SLC24A2: variants seen among roughly 807,000 people sequenced by gnomAD.
The protein encoded by SLC24A2 is solute carrier family 24 member 2.
Under a neutral mutation model 62.0 loss-of-function variants are expected in SLC24A2, and 36 were observed. The ratio of observed to expected loss-of-function variants is 0.58; its 90% CI spans 0.44 to 0.77. The LOEUF (loss-of-function observed/expected upper bound fraction) is 0.77. Ranked by LOEUF, SLC24A2 falls within the 30% of genes least tolerant of loss-of-function variation. SLC24A2 has a pLI of 0.00. For synonymous variants in SLC24A2, 358 were observed against 294.0 expected (o/e 1.22, Z -2.23); for missense variants, 846 against 817.9 (o/e 1.03, Z -0.42).
the SLC24A2 span, among the ~76,000 whole-genome samples, chr9:20,079,146 C>G: frequency 6.7e-6 from 1 of 148,262 alleles, no homozygotes; most frequent in Non-Finnish European, 1.5e-5. Flanking sequence ...AACACAGACA[C>G]AGCAGCAGAG....
chr9:19,715,587 C>T (rs1375916302), intron 2 of SLC24A2, among the ~76,000 whole-genome samples: 1 of 152,202 alleles, frequency 6.6e-6, no homozygotes, highest in Non-Finnish European at 1.5e-5. Context: ...TACAAGACCA[C>T]TCCCTGTAGG....
chr9:20,300,115 CT>C, the SLC24A2 span, among the ~76,000 whole-genome samples: 1 of 152,082 alleles, frequency 6.6e-6, no homozygotes, highest in Admixed American at 6.5e-5. Context: ...GGCAGACAGA[CT>C]TTTTTAAAAT....
At chr9:20,153,256 C>A in the SLC24A2 span, among the ~76,000 whole-genome samples, 3 of 151,868 alleles carry the variant, frequency 2.0e-5, no homozygotes, top group African/African-American at 7.2e-5. Context: ...GTAGGAGAAA[C>A]TGAATCTAAA....
the SLC24A2 span, among the ~76,000 whole-genome samples, chr9:20,002,484 C>G: frequency 6.6e-6 from 1 of 151,076 alleles, no homozygotes; most frequent in Non-Finnish European, 1.5e-5. Flanking sequence ...AAAGGAGTGT[C>G]ACTGCACTTA....
chr9:19,543,876 C>A (rs201525241), intron 8 of SLC24A2, among the ~76,000 whole-genome samples: 1 of 152,010 alleles, frequency 6.6e-6, no homozygotes, highest in African/African-American at 2.4e-5. Flanking sequence ...AGAATAAGTG[C>A]GATGAGGTGC....
the SLC24A2 span, among the ~76,000 whole-genome samples, chr9:19,860,772 TG>T: frequency 1.3e-5 from 2 of 152,132 alleles, no homozygotes; most frequent in African/African-American, 4.8e-5. Context: ...GAAGAGCCCT[TG>T]GGCCTTAAGA....
chr9:20,107,681 T>C, the SLC24A2 span, among the ~76,000 whole-genome samples: 5 of 152,178 alleles, frequency 3.3e-5, no homozygotes, highest in East Asian at 1.9e-4. Context: ...TTACACCTTA[T>C]ACAAAAATTA....
chr9:20,098,191 C>G, the SLC24A2 span, among the ~76,000 whole-genome samples: 2 of 152,174 alleles, frequency 1.3e-5, no homozygotes, highest in African/African-American at 2.4e-5. Context: ...TGACTAATAA[C>G]TGACTAATAA....
chr9:20,138,189 T>C, the SLC24A2 span, among the ~76,000 whole-genome samples: 2 of 152,208 alleles, frequency 1.3e-5, no homozygotes, highest in Admixed American at 1.3e-4. Flanking sequence ...TTCTCAAAGA[T>C]GGCTGGTAAA....
chr9:19,534,875 G>C (rs1329370748), intron 8 of SLC24A2, among the ~76,000 whole-genome samples: 4 of 152,146 alleles, frequency 2.6e-5, no homozygotes, highest in Non-Finnish European at 4.4e-5. Context: ...TATATACCCA[G>C]TAATGAGATT....
chr9:19,568,098 A>G (rs1403053259), intron 7 of SLC24A2, among the ~76,000 whole-genome samples: 1 of 152,168 alleles, frequency 6.6e-6, no homozygotes, highest in Non-Finnish European at 1.5e-5. Flanking sequence ...TGCGCACCTC[A>G]CTCTTAACGG....
the SLC24A2 span, among the ~76,000 whole-genome samples, chr9:20,228,729 C>G: frequency 6.6e-6 from 1 of 152,158 alleles, no homozygotes. Flanking sequence ...GTGTGGCACC[C>G]AGTATCCAGC....
At chr9:19,570,769 C>G (rs146230610) in intron 7 of SLC24A2, among the ~76,000 whole-genome samples, 66 of 152,304 alleles carry the variant, frequency 4.3e-4, no homozygotes, top group Non-Finnish European at 8.2e-4. Flanking sequence ...AATTAAAGCT[C>G]AGGGAAGCTA....
the SLC24A2 span, among the ~76,000 whole-genome samples, chr9:19,848,492 T>G: frequency 6.6e-6 from 1 of 152,180 alleles, no homozygotes; most frequent in Non-Finnish European, 1.5e-5. Context: ...ACGTAACATA[T>G]TGCATATAAA....
chr9:19,951,113 C>T, the SLC24A2 span, among the ~76,000 whole-genome samples: 2 of 152,124 alleles, frequency 1.3e-5, no homozygotes, highest in Admixed American at 6.6e-5. Flanking sequence ...CAGGAAGTAT[C>T]ACTTCATCAT....
chr9:19,617,045 A>G (rs1400455539), intron 4 of SLC24A2, among the ~76,000 whole-genome samples: 1 of 152,186 alleles, frequency 6.6e-6, no homozygotes, highest in Non-Finnish European at 1.5e-5. Context: ...CAGATCATGT[A>G]GACCAGCGGT....
chr9:20,294,509 C>T, the SLC24A2 span, among the ~76,000 whole-genome samples: 1 of 152,156 alleles, frequency 6.6e-6, no homozygotes, highest in Non-Finnish European at 1.5e-5. Context: ...ATAATTCAAA[C>T]TCTTCCCTCA....
At chr9:19,816,980 A>T in the SLC24A2 span, among the ~76,000 whole-genome samples, 6 of 152,192 alleles carry the variant, frequency 3.9e-5, no homozygotes, top group Non-Finnish European at 7.4e-5. Flanking sequence ...CATGTAGCAT[A>T]GTAGCACTTA....
the SLC24A2 span, among the ~76,000 whole-genome samples, chr9:19,898,237 TG>T: frequency 4.6e-5 from 7 of 152,194 alleles, no homozygotes; most frequent in African/African-American, 1.4e-4. Flanking sequence ...GCTGGCACCT[TG>T]TGGAAGCTGC....
Sources: gnomAD v4.1 joint callset for allele counts (sites outside exome capture counted in the v4.1 genomes callset) on GRCh38, gnomAD v4.1.1 for gene constraint, MANE v1.5 for transcripts, NCBI Gene and HGNC (gene_info 2026-07-23, HGNC 2026-07-21) for gene names.